Variants in CCDC171 observed in about 807,000 individuals in gnomAD.
The protein encoded by CCDC171 is coiled-coil domain-containing protein 171.
In CCDC171, 177 loss-of-function variants were observed where a neutral mutation model predicts 168.2. The ratio of observed to expected loss-of-function variants is 1.05; its 90% CI spans 0.93 to 1.19. The LOEUF is 1.19. Among genes scored for constraint, CCDC171 ranks in the 50% most tolerant of loss-of-function variants. The pLI, the probability that CCDC171 is intolerant of heterozygous loss-of-function variation, is 0.00. For missense variants in CCDC171, 1,991 were observed against 1,539.0 expected (o/e 1.29, Z -4.91); for synonymous variants, 687 against 540.8 (o/e 1.27, Z -3.75).
intron 21 of CCDC171, among the ~76,000 whole-genome samples, chr9:15,834,473 A>G (rs1482131947): frequency 2.6e-5 from 4 of 152,238 alleles, no homozygotes; most frequent in Non-Finnish European, 2.9e-5. Flanking sequence ...TTGCACTGTT[A>G]TATCACATCA....
intron 7 of CCDC171, among the ~76,000 whole-genome samples, chr9:15,656,724 G>C (rs2047964702): frequency 6.6e-6 from 1 of 152,234 alleles, no homozygotes; most frequent in East Asian, 1.9e-4. Flanking sequence ...TGATTACTTG[G>C]GTATGTGGTG....
intron 3 of CCDC171, among the ~76,000 whole-genome samples, chr9:16,003,975 C>T (rs181253655): frequency 6.6e-6 from 1 of 152,206 alleles, no homozygotes; most frequent in African/African-American, 2.4e-5. Flanking sequence ...ACAAGCACCC[C>T]ACAGGGACTG....
Position 15,764,073 on chromosome 9 carries a change from T to C in CCDC171, c.2672-13527T>C, listed in dbSNP as rs960877777. On this transcript the variant is annotated intron_variant, in intron 18 of 25. Coordinates refer to ENST00000380701, the MANE Select transcript of CCDC171 (RefSeq NM_173550.4). ...AAGTGCAGAAACCCTAACAAAGGAG[T>C]GTGCTTGATATTTTTAGGAATGGCA... is the stretch of plus-strand genomic sequence containing the variant. Among the ~76,000 whole-genome samples the C allele has an allele frequency of 2.6e-5, 4 of 151,574 alleles. No individual in the cohort carries two copies. The South Asian group carries it at 8.4e-4, about 32-fold the overall frequency.
chr9:15,739,620 T>A (rs923080754), intron 16 of CCDC171, among the ~76,000 whole-genome samples: 1 of 152,192 alleles, frequency 6.6e-6, no homozygotes, highest in Non-Finnish European at 1.5e-5. Context: ...ATAAGCACTA[T>A]AATATTCAAA....
chr9:15,748,911 A>G (rs2055499347), intron 18 of CCDC171, among the ~76,000 whole-genome samples: 1 of 152,212 alleles, frequency 6.6e-6, no homozygotes, highest in Admixed American at 6.5e-5. Context: ...GCATCAAGTA[A>G]CGGGCAAAAT....
intron 3 of CCDC171, among the ~76,000 whole-genome samples, chr9:16,014,695 A>G (rs553718703): frequency 4.6e-5 from 7 of 152,316 alleles, no homozygotes; most frequent in Non-Finnish European, 7.3e-5. Flanking sequence ...ATCTCCTTGT[A>G]TATCTCCATC....
Position 15,725,542 on chromosome 9 carries a change from C to G in CCDC171, c.1692+566C>G, listed in dbSNP as rs535968075. ...TGGGCTCATTGCAACCTCCACCTCC[C>G]AGGTTCAAGCGATTCTCCTGCCCCA... On this transcript the variant is annotated intron_variant, in intron 14 of 25. Coordinates refer to ENST00000380701, the MANE Select transcript of CCDC171 (RefSeq NM_173550.4). Among the ~76,000 whole-genome samples, 138 of 152,154 alleles carry G rather than the reference C, an allele frequency of 9.1e-4. 2 individuals carry two copies. The South Asian group carries it at 0.027, about 30-fold the overall frequency.
At chr9:15,996,539 A>C (rs1832380478) in intron 3 of CCDC171, among the ~76,000 whole-genome samples, 1 of 149,778 alleles carries the variant, frequency 6.7e-6, no homozygotes, top group Admixed American at 6.8e-5. Flanking sequence ...GACTTGTGGC[A>C]TCATGTCGGC....
intron 6 of CCDC171, among the ~76,000 whole-genome samples, chr9:15,595,127 G>T (rs946831151): frequency 1.3e-5 from 2 of 151,924 alleles, no homozygotes; most frequent in African/African-American, 4.8e-5. Context: ...CCAAAAATAT[G>T]CAGAGAATAG....
chr9:16,083,024 G>C, the CCDC171 span, among the ~76,000 whole-genome samples: 9 of 152,166 alleles, frequency 5.9e-5, no homozygotes, highest in Non-Finnish European at 1.3e-4. Context: ...CAGATTTACT[G>C]TCTCTAAGTC....
intron 24 of CCDC171, among the ~76,000 whole-genome samples, chr9:15,910,735 C>T (rs547548214): frequency 1.3e-5 from 2 of 152,080 alleles, no homozygotes; most frequent in South Asian, 4.2e-4. Context: ...TGTGATGTTC[C>T]CCTCCCTGTG....
At chr9:15,885,101 G>T (rs992145747) in intron 24 of CCDC171, among the ~76,000 whole-genome samples, 1 of 152,022 alleles carries the variant, frequency 6.6e-6, no homozygotes, top group Non-Finnish European at 1.5e-5. Context: ...TCCATATTTT[G>T]AAACATTTTG....
intron 21 of CCDC171, among the ~76,000 whole-genome samples, chr9:15,836,985 A>G (rs1187403061): frequency 6.6e-6 from 1 of 152,228 alleles, no homozygotes; most frequent in Non-Finnish European, 1.5e-5. Flanking sequence ...CACATTGGCC[A>G]AATTTGGTGT....
intron 18 of CCDC171, among the ~76,000 whole-genome samples, chr9:15,761,704 A>T (rs928932774): frequency 2.6e-5 from 4 of 152,178 alleles, no homozygotes; most frequent in African/African-American, 9.6e-5. Flanking sequence ...CTGGAACGGA[A>T]ACAAGCACAA....
chr9:15,623,413 G>A lies in CCDC171; in HGVS notation c.822G>A (p.Glu274=), dbSNP rs762726116. ...AGGAACGCCTTAGAAAAGAATTTGAGGTACATTTTCTCATTCCTTTATAAT... is the reference window on the plus strand; with the variant it reads ...AGGAACGCCTTAGAAAAGAATTTGAAGTACATTTTCTCATTCCTTTATAAT... ...QREERLRKEF[E]ATTLRVRKLE... The change falls in exon 7 of 26, where the codon GAG becomes GAA. Residue 274 remains glutamate, a splice_region_variant and synonymous_variant. Transcript: ENST00000380701. The A allele has an allele frequency of 1.3e-5, 20 of 1,580,854 alleles. No individual in the cohort carries two copies. The highest frequency in any genetic ancestry group is 1.6e-5 in the Non-Finnish European group (19 of 1,161,556).
chr9:16,067,365 C>G, the CCDC171 span, among the ~76,000 whole-genome samples: 1 of 152,034 alleles, frequency 6.6e-6, no homozygotes. Context: ...GATATTAGCC[C>G]TTTGTCAGAT....
the CCDC171 span, among the ~76,000 whole-genome samples, chr9:16,085,325 A>G: frequency 2.0e-5 from 3 of 152,250 alleles, no homozygotes; most frequent in Non-Finnish European, 4.4e-5. Flanking sequence ...CACTGTTGGA[A>G]GGGCTGGGAG....
At chr9:15,626,903 C>G (rs1026521596) in intron 7 of CCDC171, among the ~76,000 whole-genome samples, 9 of 152,182 alleles carry the variant, frequency 5.9e-5, no homozygotes, top group Non-Finnish European at 8.8e-5. Flanking sequence ...ACCAGCTCCT[C>G]CTTGTACCTC....
chr9:16,018,828 A>C (rs1833094626), intron 3 of CCDC171, among the ~76,000 whole-genome samples: 1 of 152,038 alleles, frequency 6.6e-6, no homozygotes, highest in Non-Finnish European at 1.5e-5. Context: ...CCCTTAAAAA[A>C]CCTAGGAGGG....
Sources: allele counts gnomAD v4.1 joint callset (sites outside exome capture counted in the v4.1 genomes callset), GRCh38; gene constraint gnomAD v4.1.1; transcripts MANE v1.5; gene names NCBI Gene and HGNC (gene_info 2026-07-23, HGNC 2026-07-21).